Variants in CPED1 observed in about 807,000 individuals in gnomAD.
The protein encoded by CPED1 is cadherin like and PC-esterase domain containing 1.
CPED1 carries 114 observed loss-of-function variants against 128.2 expected under a neutral mutation model. That is an observed-to-expected ratio of 0.89 (90% CI 0.76 to 1.04). The LOEUF (loss-of-function observed/expected upper bound fraction) is 1.04. Ranked by LOEUF, CPED1 falls within the 50% of genes least tolerant of loss-of-function variation. The pLI is 0.00. For synonymous variants in CPED1, 462 were observed against 426.7 expected (o/e 1.08, Z -1.02); for missense variants, 1,211 against 1,207.1 (o/e 1.00, Z -0.05).
At chr7:121,018,148 A>G (rs1262986850) in intron 3 of CPED1, among the ~76,000 whole-genome samples, 1 of 152,102 alleles carries the variant, frequency 6.6e-6, no homozygotes, top group Non-Finnish European at 1.5e-5. Flanking sequence ...ATTTTTTTTA[A>G]AAAAGAGTTG....
At chr7:121,001,372 C>A (rs1284513710) in intron 2 of CPED1, among the ~76,000 whole-genome samples, 3 of 152,048 alleles carry the variant, frequency 2.0e-5, no homozygotes, top group African/African-American at 4.8e-5. Flanking sequence ...TAACATACAT[C>A]ACAGCTGATC....
chr7:121,283,025 A>G (rs1255352062), intron 22 of CPED1, among the ~76,000 whole-genome samples: 3 of 152,244 alleles, frequency 2.0e-5, no homozygotes, highest in Non-Finnish European at 2.9e-5. Context: ...AAAGGATTCC[A>G]TGAATTCTTT....
rs952961431 is a variant in CPED1, at chr7:121,240,082, A to C, written c.2173+3251A>C. Among the ~76,000 whole-genome samples, 7 of 152,348 alleles carry C rather than the reference A, an allele frequency of 4.6e-5. No homozygotes were observed. The East Asian group carries it at 5.8e-4, about 13-fold the overall frequency. ...AATAAAAGGAATTGTTAACCAATGC[A>C]AAAATGCAGAGTTATGGCTGTATAA... is the stretch of plus-strand genomic sequence containing the variant. On this transcript the variant is annotated intron_variant, in intron 17 of 22. Transcript: ENST00000310396.
chr7:121,151,206 A>G (rs1474285449), intron 16 of CPED1, among the ~76,000 whole-genome samples: 1 of 152,180 alleles, frequency 6.6e-6, no homozygotes, highest in Non-Finnish European at 1.5e-5. Flanking sequence ...ATCTGATGAA[A>G]GTTTTGACCC....
At chr7:121,220,414 C>T (rs993437623) in intron 16 of CPED1, among the ~76,000 whole-genome samples, 7 of 151,948 alleles carry the variant, frequency 4.6e-5, no homozygotes, top group African/African-American at 7.2e-5. Context: ...TATAAGTCTG[C>T]GAGACAAGAC....
intron 17 of CPED1, among the ~76,000 whole-genome samples, chr7:121,240,568 T>C (rs577410614): frequency 2.0e-5 from 3 of 152,038 alleles, no homozygotes; most frequent in Admixed American, 6.5e-5. Flanking sequence ...TTGTGAGTTT[T>C]CCTATAAGTG....
intron 22 of CPED1, among the ~76,000 whole-genome samples, chr7:121,280,747 T>G (rs556877026): frequency 6.6e-6 from 1 of 152,276 alleles, no homozygotes; most frequent in Admixed American, 6.5e-5. Flanking sequence ...TGAAGTGAAA[T>G]TATGAGTTAT....
chr7:121,041,389 T>C (rs1240199985), intron 3 of CPED1, among the ~76,000 whole-genome samples: 1 of 152,062 alleles, frequency 6.6e-6, no homozygotes, highest in Non-Finnish European at 1.5e-5. Context: ...GAAAAATATA[T>C]ATATATATAT....
intron 7 of CPED1, 97 bp downstream of exon 7, chr7:121,100,191 C>A: frequency 1.9e-6 from 2 of 1,027,620 alleles, no homozygotes; most frequent in African/African-American, 1.6e-5. Flanking sequence ...GTTATCAAAT[C>A]CCATTGAACA....
At chr7:121,124,743 C>G (rs1261217776) in intron 8 of CPED1, among the ~76,000 whole-genome samples, 2 of 152,130 alleles carry the variant, frequency 1.3e-5, no homozygotes, top group Non-Finnish European at 2.9e-5. Context: ...ATTGCAGCCG[C>G]CTTTTCAAGT....
intron 17 of CPED1, among the ~76,000 whole-genome samples, chr7:121,239,217 TTATTTTAAAAGCACATTACAGC>T (rs1326803693): frequency 6.6e-6 from 1 of 152,230 alleles, no homozygotes; most frequent in Non-Finnish European, 1.5e-5. Context: ...TTTGAAAATC[TTATTTTAAAAGCACATTACAGC>T]TATTTGGCAA....
intron 5 of CPED1, among the ~76,000 whole-genome samples, chr7:121,086,209 C>G (rs910489207): frequency 1.3e-5 from 2 of 152,132 alleles, no homozygotes; most frequent in African/African-American, 2.4e-5. Flanking sequence ...AAAGAACTTT[C>G]AACTGTATTT....
At chr7:121,257,008 G>A (rs143658594) in intron 18 of CPED1, among the ~76,000 whole-genome samples, 4,686 of 152,128 alleles carry the variant, frequency 0.031, 116 homozygotes, top group Non-Finnish European at 0.042. Context: ...TTGTAAGTGA[G>A]AGCTAAACAT....
intron 3 of CPED1, among the ~76,000 whole-genome samples, chr7:121,016,980 T>C (rs1242945180): frequency 6.6e-6 from 1 of 152,138 alleles, no homozygotes; most frequent in Non-Finnish European, 1.5e-5. Context: ...CTTGCTGGTT[T>C]GTGCTGGCGA....
chr7:121,107,504 G>C (rs555606257), intron 7 of CPED1, among the ~76,000 whole-genome samples: 1 of 152,064 alleles, frequency 6.6e-6, no homozygotes, highest in African/African-American at 2.4e-5. Context: ...TTCAGGGAGA[G>C]AGAAATGAAT....
At chr7:121,161,489 G>A (rs752019267) in intron 16 of CPED1, among the ~76,000 whole-genome samples, 7 of 152,092 alleles carry the variant, frequency 4.6e-5, no homozygotes, top group Non-Finnish European at 8.8e-5. Context: ...CTGACCTCTA[G>A]ACCCAGATTT....
intron 16 of CPED1, among the ~76,000 whole-genome samples, chr7:121,144,215 A>G (rs943321021): frequency 6.6e-6 from 1 of 152,078 alleles, no homozygotes; most frequent in Non-Finnish European, 1.5e-5. Flanking sequence ...GGAAATCAGT[A>G]TATTGAAAAG....
At chr7:121,142,174 A>G (rs770323716) in intron 16 of CPED1, 33 bp downstream of exon 16, 2 of 1,550,496 alleles carry the variant, frequency 1.3e-6, no homozygotes, top group African/African-American at 1.4e-5. Flanking sequence ...CTTGGGTTGA[A>G]TTGGGAATGA....
intron 16 of CPED1, among the ~76,000 whole-genome samples, chr7:121,155,370 A>G (rs1198274408): frequency 1.3e-5 from 2 of 152,320 alleles, no homozygotes; most frequent in South Asian, 2.1e-4. Context: ...CCTAAAATTT[A>G]TGTGGAACCA....
Sources: gnomAD v4.1 joint callset for allele counts (sites outside exome capture counted in the v4.1 genomes callset) on GRCh38, gnomAD v4.1.1 for gene constraint, MANE v1.5 for transcripts, NCBI Gene and HGNC (gene_info 2026-07-23, HGNC 2026-07-21) for gene names.